NIPBL: variants seen among roughly 807,000 people sequenced by gnomAD.
The protein encoded by NIPBL is NIPBL cohesin loading factor, also known as nipped-B-like protein.
Under a neutral mutation model 321.8 loss-of-function variants are expected in NIPBL, and 19 were observed. The ratio of observed to expected loss-of-function variants is 0.06; its 90% CI spans 0.04 to 0.09. NIPBL has a LOEUF of 0.09. NIPBL is among the 10% of genes least tolerant of loss of function. The probability of loss-of-function intolerance (pLI) is 1.00; values close to 1 mark genes in which losing one functional copy is unlikely to be tolerated. For missense variants in NIPBL, 2,210 were observed against 3,327.0 expected (o/e 0.66, Z 8.26); for synonymous variants, 1,106 against 1,114.1 (o/e 0.99, Z 0.14).
intron 1 of NIPBL, among the ~76,000 whole-genome samples, chr5:36,878,064 GGA>G: frequency 6.6e-6 from 1 of 152,310 alleles, no homozygotes; most frequent in African/African-American, 2.4e-5. Context: ...AAAACGTGTA[GGA>G]GCATACAAAG....
intron 12 of NIPBL, 23 bp from the exon 13 acceptor site, chr5:37,000,794 G>A: frequency 6.3e-7 from 1 of 1,575,432 alleles, no homozygotes; most frequent in Admixed American, 1.7e-5. Flanking sequence ...CTGCATTTCA[G>A]TACTTCTTTT....
At chr5:36,918,955 A>G (rs1348415980) in intron 1 of NIPBL, among the ~76,000 whole-genome samples, 1 of 152,122 alleles carries the variant, frequency 6.6e-6, no homozygotes, top group East Asian at 1.9e-4. Flanking sequence ...TTTTGCATCA[A>G]TGTCCATCAG....
intron 42 of NIPBL, among the ~76,000 whole-genome samples, chr5:37,055,821 C>G (rs1395477140): frequency 1.3e-5 from 2 of 151,720 alleles, no homozygotes; most frequent in Admixed American, 6.6e-5. Context: ...GCCTGGGCAA[C>G]ATAGTGAGAC....
intron 32 of NIPBL, among the ~76,000 whole-genome samples, chr5:37,034,941 A>G (rs1328062350): frequency 6.6e-6 from 1 of 152,196 alleles, no homozygotes; most frequent in Non-Finnish European, 1.5e-5. Flanking sequence ...TTGGAAATGA[A>G]AAAGGAAAAA....
In NIPBL at chr5:36,953,746, C is replaced by G; in HGVS notation, c.50C>G (p.Ala17Gly). Residue 17 changes from alanine to glycine, a missense_variant, in exon 2 of 47, where the codon GCT (alanine) becomes GGT (glycine). Around this residue, in one of 14 missense-constraint regions of NIPBL, gnomAD observed 28 missense variants for 65.5 expected, o/e 0.43. Transcript: ENST00000282516. ...CCCATTACTACTCTTGCGGGGATTGCTAGTCTCACAGACCGTAAGTTTGGT... is the reference window on the plus strand; with the variant it reads ...CCCATTACTACTCTTGCGGGGATTGGTAGTCTCACAGACCGTAAGTTTGGT... ...HVPITTLAGI[A>G]SLTDLLNQLP... is the part of the protein sequence containing the mutation. The G allele has an allele frequency of 6.2e-7, 1 of 1,613,284 alleles. No individual in the cohort carries two copies. The highest frequency in any genetic ancestry group is 8.5e-7 in the Non-Finnish European group (1 of 1,179,248).
intron 16 of NIPBL, among the ~76,000 whole-genome samples, chr5:37,005,481 C>G (rs2149675668): frequency 6.6e-6 from 1 of 152,196 alleles, no homozygotes; most frequent in East Asian, 1.9e-4. Flanking sequence ...TGTGGATAGC[C>G]TTAACGTTTG....
intron 1 of NIPBL, among the ~76,000 whole-genome samples, chr5:36,888,451 A>G (rs765553828): frequency 6.6e-6 from 1 of 152,084 alleles, no homozygotes; most frequent in Non-Finnish European, 1.5e-5. Flanking sequence ...GTTTTGGAGC[A>G]GGGTAGAGGA....
intron 6 of NIPBL, among the ~76,000 whole-genome samples, chr5:36,966,328 T>C (rs1023215082): frequency 6.6e-6 from 1 of 152,130 alleles, no homozygotes; most frequent in African/African-American, 2.4e-5. Flanking sequence ...CTCCACTCTT[T>C]TCTGCTGGTG....
At chr5:37,024,312 A>G (rs1298172105) in intron 29 of NIPBL, among the ~76,000 whole-genome samples, 10 of 152,136 alleles carry the variant, frequency 6.6e-5, no homozygotes, top group Non-Finnish European at 1.5e-4. Context: ...TTGTTTTCTC[A>G]TTTAATTTTG....
Position 36,994,220 on chromosome 5 carries a change from CGTTA to C in NIPBL, c.3122-1396_3122-1393del, listed in dbSNP as rs1745876797. Among the ~76,000 whole-genome samples, 3 of 152,142 alleles carry C rather than the reference CGTTA, an allele frequency of 2.0e-5. No individual in the cohort carries two copies. The South Asian group carries it at 6.2e-4, about 32-fold the overall frequency. On this transcript the variant is annotated intron_variant, in intron 10 of 46. Transcript: ENST00000282516. ...AAAATGACACAGAAGTTAAACTCAA[CGTTA>C]GTTAGAATTCTTAGCAATGAAGTCT...
rs1176044489 is a variant in NIPBL at position 37,000,405 on chromosome 5, A to G, written c.3337A>G (p.Lys1113Glu). The change falls in exon 12 of 47, where the codon AAA becomes GAA. Residue 1113 changes from lysine (K) to glutamate (E), a missense_variant. Coordinates refer to ENST00000282516, the MANE Select transcript of NIPBL (RefSeq NM_133433.4). ...GAAACGACATAAAAAAGATGATGATAAAGCTTGGGAATATGAAGAGCGTGA... is the reference window on the plus strand; with the variant it reads ...GAAACGACATAAAAAAGATGATGATGAAGCTTGGGAATATGAAGAGCGTGA... ...SRKRHKKDDDKAWEYEERDRR... is the reference protein window; with the variant it reads ...SRKRHKKDDDEAWEYEERDRR... 3 of 1,613,164 alleles carry G rather than the reference A, an allele frequency of 1.9e-6. No homozygotes were observed. Among genetic ancestry groups the G allele is most frequent in the Non-Finnish European group, 1.7e-6 (2 of 1,179,376 alleles).
intron 42 of NIPBL, among the ~76,000 whole-genome samples, chr5:37,055,356 TAA>T (rs57488198): frequency 4.6e-4 from 39 of 84,546 alleles, no homozygotes; most frequent in Admixed American, 6.6e-4. Flanking sequence ...ATCTCAACAG[TAA>T]AAAAAAAAAA....
chr5:37,023,624 G>T (rs1444574715), intron 29 of NIPBL, among the ~76,000 whole-genome samples: 2 of 151,842 alleles, frequency 1.3e-5, no homozygotes, highest in African/African-American at 4.8e-5. Context: ...CTGAATACTA[G>T]TTCTTAGATC....
intron 1 of NIPBL, among the ~76,000 whole-genome samples, chr5:36,912,882 TATTG>T (rs1484619708): frequency 6.6e-6 from 1 of 152,220 alleles, no homozygotes; most frequent in East Asian, 1.9e-4. Context: ...TACTTTCTAT[TATTG>T]TTTTTATTAT....
At chr5:36,968,926 A>G (rs932477987) in intron 6 of NIPBL, among the ~76,000 whole-genome samples, 4 of 152,220 alleles carry the variant, frequency 2.6e-5, no homozygotes, top group Admixed American at 6.5e-5. Flanking sequence ...AAAATCCAAG[A>G]TAAGCTACAG....
intron 1 of NIPBL, among the ~76,000 whole-genome samples, chr5:36,902,081 C>T (rs368080568): frequency 6.6e-6 from 1 of 150,830 alleles, no homozygotes; most frequent in Non-Finnish European, 1.5e-5. Flanking sequence ...TGTTCATGTC[C>T]TTTGCCCGTT....
At chr5:36,943,548 A>G (rs1389009734) in intron 1 of NIPBL, among the ~76,000 whole-genome samples, 3 of 146,836 alleles carry the variant, frequency 2.0e-5, no homozygotes, top group Non-Finnish European at 4.5e-5. Flanking sequence ...ATGTAACTAT[A>G]AAAAAAAAAC....
intron 6 of NIPBL, among the ~76,000 whole-genome samples, chr5:36,967,867 G>A (rs1397876959): frequency 6.6e-6 from 1 of 151,756 alleles, no homozygotes; most frequent in African/African-American, 2.4e-5. Context: ...TGGGAGGCCA[G>A]AACGGGCAGA....
At chr5:36,881,376 T>A (rs1448057329) in intron 1 of NIPBL, among the ~76,000 whole-genome samples, 1 of 151,930 alleles carries the variant, frequency 6.6e-6, no homozygotes, top group Non-Finnish European at 1.5e-5. Context: ...TAAGGCATAT[T>A]TTTTTCTATT....
Sources: gnomAD v4.1 joint callset for allele counts (sites outside exome capture counted in the v4.1 genomes callset) on GRCh38, gnomAD v4.1.1 for gene constraint, gnomAD v4.1.1 regional missense constraint, MANE v1.5 for transcripts, NCBI Gene and HGNC (gene_info 2026-07-23, HGNC 2026-07-21) for gene names.